MYO9A: variants seen among roughly 807,000 people sequenced by gnomAD.
The protein encoded by MYO9A is myosin IXA.
Under a neutral mutation model 293.3 loss-of-function variants are expected in MYO9A, and 103 were observed. The ratio of observed to expected loss-of-function variants is 0.35; its 90% CI spans 0.30 to 0.41. The LOEUF is 0.41. Ranked by LOEUF, MYO9A falls within the 10% of genes least tolerant of loss-of-function variation. MYO9A has a pLI of 1.00. For missense variants in MYO9A, 2,685 were observed against 3,033.0 expected, an observed-to-expected ratio of 0.89 and a Z score of 2.69; for synonymous variants, 1,001 against 1,035.7, an observed-to-expected ratio of 0.97 and a Z score of 0.64.
At chr15:71,883,856 T>A in intron 27 of MYO9A, 120 bp from the exon 28 acceptor site, 5 of 895,182 alleles carry the variant, frequency 5.6e-6, no homozygotes, top group Non-Finnish European at 6.3e-6. Context: ...GCTTCACATT[T>A]AAATTAAGTG....
rs557790519 is a variant in MYO9A, at chr15:71,825,072, A to G, written c.*1508T>C. On this transcript the variant is annotated 3_prime_UTR_variant, in exon 42 of 42. Transcript: ENST00000356056. ...AAGACAAGATGCATTTAGTAACTTTAAAAATAAACATTTCACATACTTATC... is the reference window on the plus strand; with the variant it reads ...AAGACAAGATGCATTTAGTAACTTTGAAAATAAACATTTCACATACTTATC... 2 of 152,374 alleles carry G rather than the reference A, an allele frequency of 1.3e-5. No homozygotes were observed. The highest frequency in any genetic ancestry group is 4.1e-4 in the South Asian group (2 of 4,828). The allele number at this position is 152,374 out of a possible 1,614,324, so 9.4% of individuals were successfully genotyped here. A position where few individuals can be genotyped will look rare whatever the true frequency, so the allele number is the denominator to read the frequency against.
chr15:71,997,161 A>G (rs573834150), intron 9 of MYO9A, among the ~76,000 whole-genome samples: 1 of 152,182 alleles, frequency 6.6e-6, no homozygotes, highest in Non-Finnish European at 1.5e-5. Context: ...ACAAAAAAAC[A>G]AATTAAGATT....
chr15:71,969,205 A>C (rs1017439294), intron 12 of MYO9A, among the ~76,000 whole-genome samples: 1 of 152,202 alleles, frequency 6.6e-6, no homozygotes, highest in Non-Finnish European at 1.5e-5. Flanking sequence ...GGATTAAACA[A>C]ACATCGACTT....
chr15:72,104,937 C>T (rs1156360371), intron 1 of MYO9A, among the ~76,000 whole-genome samples: 1 of 152,096 alleles, frequency 6.6e-6, no homozygotes, highest in African/African-American at 2.4e-5. Context: ...ACAATGTATC[C>T]TTACATGAAA....
intron 29 of MYO9A, 151 bp from the exon 30 acceptor site, chr15:71,879,988 C>G (rs541447681): frequency 1.6e-6 from 1 of 615,644 alleles, no homozygotes; most frequent in South Asian, 2.1e-5. Context: ...TATGACTAGA[C>G]AGTCAAACTA....
At chr15:71,861,668 C>G (rs1596052466) in intron 33 of MYO9A, among the ~76,000 whole-genome samples, 1 of 125,920 alleles carries the variant, frequency 7.9e-6, no homozygotes, top group Admixed American at 8.8e-5. Flanking sequence ...CCGTTTTAGG[C>G]ACTGATGATA....
At chr15:71,998,789 T>C (rs1197098180) in intron 9 of MYO9A, among the ~76,000 whole-genome samples, 3 of 151,936 alleles carry the variant, frequency 2.0e-5, no homozygotes, top group Non-Finnish European at 4.4e-5. Context: ...CCATGTGTTC[T>C]CATTGTTCAA....
intron 15 of MYO9A, among the ~76,000 whole-genome samples, chr15:71,946,305 T>C (rs956191990): frequency 2.6e-5 from 4 of 152,218 alleles, no homozygotes; most frequent in African/African-American, 9.6e-5. Context: ...CTAATGAGCC[T>C]ATCTTGGCCT....
intron 19 of MYO9A, among the ~76,000 whole-genome samples, chr15:71,911,033 TCCTCTATCA>T (rs985097526): frequency 5.9e-5 from 9 of 152,130 alleles, no homozygotes; most frequent in African/African-American, 1.9e-4. Flanking sequence ...GTTTTAGAAC[TCCTCTATCA>T]CCCCCAAAAA....
At chr15:71,982,005 A>ATTTTTTTTTTTTTTTTTTTTTT (rs750930471) in intron 11 of MYO9A, among the ~76,000 whole-genome samples, 1 of 56,258 alleles carries the variant, frequency 1.8e-5, no homozygotes, top group African/African-American at 8.7e-5. Flanking sequence ...CCTATTTAGA[A>ATTTTTTTTTTTTTTTTTTTTTT]TTTTTTTTTT....
chr15:71,836,294 G>C lies in MYO9A; in HGVS notation c.6838-5983C>G, dbSNP rs189616018. On this transcript the variant is annotated intron_variant, in intron 39 of 41. Transcript: ENST00000356056. ...ATATACACACACATTATACATGTTA[G>C]AGTCACAACAAAAAATACAATTTTT... 2.5e-4 allele frequency among the ~76,000 whole-genome samples: 38 copies of C among 151,962 alleles called. No homozygotes were observed. The East Asian group carries it at 7.0e-3, about 28-fold the overall frequency.
intron 32 of MYO9A, among the ~76,000 whole-genome samples, chr15:71,867,142 A>C (rs2056356849): frequency 6.6e-6 from 1 of 152,082 alleles, no homozygotes; most frequent in Non-Finnish European, 1.5e-5. Context: ...AAAAAGGGTG[A>C]CATCTCAAAG....
rs914934405 is a variant in MYO9A, at chr15:71,902,862, A to C, written c.3000+79T>G. On this transcript the variant is annotated intron_variant, in intron 22 of 41. Coordinates refer to ENST00000356056, the MANE Select transcript of MYO9A (RefSeq NM_006901.4). ...TATCTGATTCACTATCTTTTTAATAAACAATCTCATAGGCAAAAATTATTA... is the reference window on the plus strand; with the variant it reads ...TATCTGATTCACTATCTTTTTAATACACAATCTCATAGGCAAAAATTATTA... 8.5e-6 allele frequency: 10 copies of C among 1,172,428 alleles called. No homozygotes were observed. The African/African-American group carries it at 1.6e-4, about 19-fold the overall frequency. The allele number at this position is 1,172,428 out of a possible 1,614,324, so 72.6% of individuals were successfully genotyped here.
chr15:72,061,814 T>G (rs1172028890), intron 1 of MYO9A, among the ~76,000 whole-genome samples: 1 of 152,096 alleles, frequency 6.6e-6, no homozygotes, highest in Admixed American at 6.6e-5. Flanking sequence ...CACTACCCAC[T>G]GACTAAAGCA....
intron 2 of MYO9A, chr15:72,045,448 G>T: frequency 4.7e-6 from 1 of 213,282 alleles, no homozygotes; most frequent in Non-Finnish European, 9.4e-6. Flanking sequence ...TGTATTTTTA[G>T]TAGAGACAGG....
chr15:71,998,541 T>C (rs1298237237), intron 9 of MYO9A, among the ~76,000 whole-genome samples: 2 of 140,574 alleles, frequency 1.4e-5, no homozygotes, highest in Non-Finnish European at 3.0e-5. Flanking sequence ...CTCTTAAAGA[T>C]TTGGCTTTCT....
Position 72,075,372 on chromosome 15 carries a change from C to T in MYO9A, c.-71-28738G>A, listed in dbSNP as rs930220352. 3.3e-5 allele frequency among the ~76,000 whole-genome samples: 5 copies of T among 151,808 alleles called. No individual in the cohort carries two copies. The South Asian group carries it at 6.3e-4, about 19-fold the overall frequency. On this transcript the variant is annotated intron_variant, in intron 1 of 41. Coordinates refer to ENST00000356056, the MANE Select transcript of MYO9A (RefSeq NM_006901.4). Reference sequence around the variant, plus strand: ...AGAGAAAAAAGTCAACACTAACCCACGGATGATGCAGATTGGAATGAGCAA... The same window carrying T: ...AGAGAAAAAAGTCAACACTAACCCATGGATGATGCAGATTGGAATGAGCAA...
intron 1 of MYO9A, among the ~76,000 whole-genome samples, chr15:72,114,791 T>C (rs971543665): frequency 6.6e-6 from 1 of 152,246 alleles, no homozygotes; most frequent in Non-Finnish European, 1.5e-5. Context: ...GTCAATATTG[T>C]GGTTTTTAAA....
chr15:72,027,920 G>A (rs561221842), intron 3 of MYO9A, 127 bp from the exon 4 acceptor site: 27 of 662,850 alleles, frequency 4.1e-5, no homozygotes, highest in African/African-American at 1.3e-4. Context: ...GCCATTGGCC[G>A]GGCGAGGTGG....
Sources: allele counts gnomAD v4.1 joint callset (sites outside exome capture counted in the v4.1 genomes callset), GRCh38; gene constraint gnomAD v4.1.1; transcripts MANE v1.5; gene names NCBI Gene and HGNC (gene_info 2026-07-23, HGNC 2026-07-21).